The following NAV1 variants were observed in gnomAD, a reference collection of about 807,000 sequenced individuals.
The protein encoded by NAV1 is pore membrane and/or filament interacting like protein 3.
In NAV1, 18 loss-of-function variants were observed where a neutral mutation model predicts 175.2. The ratio of observed to expected loss-of-function variants is 0.10; its 90% CI spans 0.07 to 0.15. NAV1 has a LOEUF of 0.15. Among genes scored for constraint, NAV1 ranks in the 10% least tolerant of loss-of-function variants. The probability of loss-of-function intolerance (pLI) is 1.00; values close to 1 mark genes in which losing one functional copy is unlikely to be tolerated. For missense variants in NAV1, 1,731 were observed against 2,436.6 expected, an observed-to-expected ratio of 0.71 and a Z score of 6.10; for synonymous variants, 897 against 978.7, an observed-to-expected ratio of 0.92 and a Z score of 1.56.
upstream of NAV1, among the ~76,000 whole-genome samples, chr1:201,643,560 T>C (rs1299811337): frequency 6.6e-6 from 1 of 151,936 alleles, no homozygotes; most frequent in Admixed American, 6.6e-5. Flanking sequence ...TACAGACATG[T>C]GCCACTATCG....
Position 201,782,117 on chromosome 1 carries a change from G to A in NAV1, c.1664-59G>A, listed in dbSNP as rs922901201. 2 of 1,431,628 alleles carry A rather than the reference G, an allele frequency of 1.4e-6. No homozygotes were observed. The highest frequency in any genetic ancestry group is 2.2e-5 in the Admixed American group (1 of 44,588). 88.7% of individuals were successfully genotyped at this position (1,431,628 alleles called of 1,614,324 possible). A position where few individuals can be genotyped will look rare whatever the true frequency, so the allele number is the denominator to read the frequency against. ...TTCTCCCATGGAGGGAAAGAAAAGGGTGGGTTTTTAAGATACTGGTCAGTT... is the reference window on the plus strand; with the variant it reads ...TTCTCCCATGGAGGGAAAGAAAAGGATGGGTTTTTAAGATACTGGTCAGTT... On this transcript the variant is annotated intron_variant, in intron 5 of 29. Transcript: ENST00000367296. The surrounding 1 kb of genome is among the most constrained non-coding windows in gnomAD (Gnocchi z 5.4).
At chr1:201,815,097 C>T (rs1678945873) in intron 28 of NAV1, among the ~76,000 whole-genome samples, 1 of 142,232 alleles carries the variant, frequency 7.0e-6, no homozygotes, top group African/African-American at 2.6e-5. Flanking sequence ...AAAGCGGAAA[C>T]ATTTCCTACT....
chr1:201,707,037 A>G (rs903415575), intron 1 of NAV1, among the ~76,000 whole-genome samples: 7 of 152,204 alleles, frequency 4.6e-5, no homozygotes, highest in Admixed American at 1.3e-4. Flanking sequence ...ATTGGCCCCA[A>G]GAGAACGGGA....
chr1:201,590,175 G>A (rs1019707833), intron 2 of NAV1, among the ~76,000 whole-genome samples: 10 of 152,250 alleles, frequency 6.6e-5, no homozygotes, highest in Admixed American at 3.3e-4. Flanking sequence ...TTACAGGCAT[G>A]AGCCACCATG....
At chr1:201,804,592 A>C in intron 17 of NAV1, 95 bp downstream of exon 21, 1 of 1,157,220 alleles carries the variant, frequency 8.6e-7, no homozygotes, top group Non-Finnish European at 1.2e-6. Context: ...AAAAAAAAAA[A>C]AAAAAAAAAA....
At chr1:201,619,635 G>A (rs1261048467), upstream of NAV1, among the ~76,000 whole-genome samples, 2 of 152,230 alleles carry the variant, frequency 1.3e-5, no homozygotes, top group East Asian at 3.8e-4. Flanking sequence ...CTGTGGGGTT[G>A]TCCTTGGCAT....
At chr1:201,708,052 C>T (rs774252656) in intron 1 of NAV1, among the ~76,000 whole-genome samples, 11 of 152,072 alleles carry the variant, frequency 7.2e-5, no homozygotes, top group Non-Finnish European at 1.3e-4. Flanking sequence ...TGTGCATGCA[C>T]CTGTCTGTCA....
intron 1 of NAV1, among the ~76,000 whole-genome samples, chr1:201,706,872 G>A (rs114428965): frequency 0.02 from 3,109 of 152,254 alleles, 114 homozygotes; most frequent in African/African-American, 0.071. Flanking sequence ...TTTGACTGCC[G>A]GGTGATGGAT....
chr1:201,708,747 T>C (rs1248879211), intron 1 of NAV1, among the ~76,000 whole-genome samples: 2 of 152,156 alleles, frequency 1.3e-5, no homozygotes, highest in Admixed American at 1.3e-4. Flanking sequence ...TCTGCATCTT[T>C]GCCATGTCTG....
At chr1:201,599,456 G>C (rs966926301) in intron 2 of NAV1, among the ~76,000 whole-genome samples, 14 of 152,312 alleles carry the variant, frequency 9.2e-5, no homozygotes, top group African/African-American at 3.1e-4. Flanking sequence ...CCAGTTCCCT[G>C]TGCGCCTTGT....
chr1:201,583,682 G>C (rs1666935741), intron 1 of NAV1, among the ~76,000 whole-genome samples: 1 of 152,168 alleles, frequency 6.6e-6, no homozygotes, highest in African/African-American at 2.4e-5. Flanking sequence ...TCCCAAGGAA[G>C]CCATGGAAAT....
chr1:201,819,007 C>T (rs1001675837), intron 29 of NAV1, among the ~76,000 whole-genome samples: 1 of 152,074 alleles, frequency 6.6e-6, no homozygotes, highest in Non-Finnish European at 1.5e-5. Context: ...CCAATCTTGA[C>T]GTGTCCAGAG....
At chr1:201,591,679 A>C (rs1667200022) in intron 2 of NAV1, among the ~76,000 whole-genome samples, 1 of 152,162 alleles carries the variant, frequency 6.6e-6, no homozygotes, top group Non-Finnish European at 1.5e-5. Context: ...CCCCAGCTGC[A>C]ACATCTCCTT....
At chr1:201,678,681 CT>C (rs1670353877) in intron 1 of NAV1, among the ~76,000 whole-genome samples, 1 of 152,188 alleles carries the variant, frequency 6.6e-6, no homozygotes, top group Non-Finnish European at 1.5e-5. Context: ...AAAGAGGCTG[CT>C]TTCCAAAGTC....
chr1:201,771,870 A>G (rs1675611576), intron 3 of NAV1, among the ~76,000 whole-genome samples: 1 of 152,250 alleles, frequency 6.6e-6, no homozygotes. Context: ...ATTTCAGCAG[A>G]GTACTGAAAG....
intron 2 of NAV1, among the ~76,000 whole-genome samples, chr1:201,631,500 A>G (rs1315829820): frequency 6.6e-6 from 1 of 152,224 alleles, no homozygotes; most frequent in East Asian, 1.9e-4. Context: ...CACTGGGGTA[A>G]AAGACAAATA....
At chr1:201,579,147 T>A (rs1316871068) in intron 1 of NAV1, among the ~76,000 whole-genome samples, 1 of 150,616 alleles carries the variant, frequency 6.6e-6, no homozygotes, top group Non-Finnish European at 1.5e-5. Flanking sequence ...AAAAAAAAAA[T>A]GTTCTGTCTT....
At chr1:201,629,256 A>G in intron 1 of NAV1, 148 bp from the exon 4 acceptor site, 1 of 392,608 alleles carries the variant, frequency 2.5e-6, no homozygotes, top group Non-Finnish European at 4.6e-6. Context: ...ATGTGCACAT[A>G]CCCATCAGGG....
At chr1:201,660,798 G>C (rs530087438) in intron 1 of NAV1, among the ~76,000 whole-genome samples, 1 of 152,206 alleles carries the variant, frequency 6.6e-6, no homozygotes, top group East Asian at 1.9e-4. Context: ...ACCCTCACAG[G>C]TTTCAGAGCT....
Sources: gnomAD v4.1 joint callset for allele counts (sites outside exome capture counted in the v4.1 genomes callset) on GRCh38, gnomAD v4.1.1 for gene constraint, Gnocchi (gnomAD v3.1) non-coding constraint, MANE v1.5 for transcripts, NCBI Gene and HGNC (gene_info 2026-07-23, HGNC 2026-07-21) for gene names.